The following HAO1 variants were observed in gnomAD, a reference collection of about 807,000 sequenced individuals.
The protein encoded by HAO1 is hydroxyacid oxidase 1, also known as 2-Hydroxyacid oxidase 1.
A neutral mutation model predicts 39.7 loss-of-function variants in HAO1; 34 were observed. The ratio of observed to expected loss-of-function variants is 0.86; its 90% confidence interval spans 0.65 to 1.14. HAO1 has a LOEUF of 1.14. Among genes scored for constraint, HAO1 ranks in the 50% most tolerant of loss-of-function variants. The probability of loss-of-function intolerance (pLI) is 0.00; values close to 1 mark genes in which losing one functional copy is unlikely to be tolerated. For missense variants in HAO1, 479 were observed against 464.5 expected (o/e 1.03, Z -0.29); for synonymous variants, 172 against 173.2 (o/e 0.99, Z 0.05).
intron 2 of HAO1, among the ~76,000 whole-genome samples, chr20:7,921,095 C>T (rs865996373): frequency 8.1e-5 from 12 of 148,620 alleles, no homozygotes; most frequent in Non-Finnish European, 1.5e-4. Context: ...AACTCAATAG[C>T]CAGAAAACAA....
In HAO1 at chr20:7,883,569, C is replaced by G. The variant is rs1476885460; in HGVS notation, c.*24G>C. 2.5e-6 allele frequency: 4 copies of G among 1,577,622 alleles called. No homozygotes were observed. Among genetic ancestry groups the G allele is most frequent in the Admixed American group, 1.7e-5 (1 of 59,930 alleles). On this transcript the variant is annotated 3_prime_UTR_variant, in exon 8 of 8. Transcript: ENST00000378789. ...TAATACATGCTGAAAAAAAATAATA[C>G]AGATGGGAAAATATTGTGCACTGTC...
chr20:7,893,869 C>G (rs1433921222), intron 5 of HAO1, among the ~76,000 whole-genome samples: 1 of 152,170 alleles, frequency 6.6e-6, no homozygotes, highest in Non-Finnish European at 1.5e-5. Context: ...GATAAATTGG[C>G]TCTGTCTATA....
chr20:7,903,861 T>TGGTGGTGGTGGTGGTAGC (rs1257739703), intron 4 of HAO1, among the ~76,000 whole-genome samples: 7 of 69,734 alleles, frequency 1.0e-4, no homozygotes, highest in African/African-American at 7.4e-4. Flanking sequence ...GTGGTAGCGG[T>TGGTGGTGGTGGTGGTAGC]GGTGGTGGTG....
At chr20:7,887,291 C>T (rs1427317168) in intron 5 of HAO1, among the ~76,000 whole-genome samples, 1 of 152,096 alleles carries the variant, frequency 6.6e-6, no homozygotes, top group African/African-American at 2.4e-5. Flanking sequence ...AAAATGTATG[C>T]TGAGGAAGCT....
intron 3 of HAO1, among the ~76,000 whole-genome samples, chr20:7,911,566 C>T (rs2050279604): frequency 6.6e-6 from 1 of 152,094 alleles, no homozygotes; most frequent in Admixed American, 6.5e-5. Context: ...CTCCTTACTC[C>T]CTCTCAGTTT....
At chr20:7,939,205 T>C (rs1350364360) in intron 1 of HAO1, among the ~76,000 whole-genome samples, 3 of 152,136 alleles carry the variant, frequency 2.0e-5, no homozygotes, top group African/African-American at 7.2e-5. Flanking sequence ...TTTGTTGAGC[T>C]CATTTGGGTT....
intron 5 of HAO1, among the ~76,000 whole-genome samples, chr20:7,890,764 C>T (rs2122751594): frequency 6.6e-6 from 1 of 152,268 alleles, no homozygotes; most frequent in South Asian, 2.1e-4. Flanking sequence ...AACCTCATAG[C>T]TTAGCTCCCA....
chr20:7,897,492 C>A (rs2050203082), intron 4 of HAO1, among the ~76,000 whole-genome samples: 1 of 151,838 alleles, frequency 6.6e-6, no homozygotes, highest in African/African-American at 2.4e-5. Context: ...TGTTGTTTTA[C>A]CCTTTGGGAA....
chr20:7,919,246 C>T (rs2050320439), intron 2 of HAO1, among the ~76,000 whole-genome samples: 1 of 152,098 alleles, frequency 6.6e-6, no homozygotes, highest in South Asian at 2.1e-4. Flanking sequence ...GTATGAAATC[C>T]CAGGACTCTC....
intron 2 of HAO1, among the ~76,000 whole-genome samples, chr20:7,932,642 A>G (rs2050390899): frequency 6.6e-6 from 1 of 152,214 alleles, no homozygotes; most frequent in Admixed American, 6.5e-5. Context: ...ATTTTAAATT[A>G]AAATATCATT....
chr20:7,932,990 C>T (rs116436955), intron 2 of HAO1, among the ~76,000 whole-genome samples: 1,522 of 152,188 alleles, frequency 0.01, 25 homozygotes, highest in African/African-American at 0.033. Context: ...TCTCCCTAAC[C>T]TAATCATACT....
At chr20:7,924,549 G>A (rs1056928824) in intron 2 of HAO1, among the ~76,000 whole-genome samples, 4 of 152,006 alleles carry the variant, frequency 2.6e-5, no homozygotes, top group East Asian at 1.9e-4. Flanking sequence ...CAAAACAATA[G>A]AGGGAAATAG....
At chr20:7,926,153 C>T (rs1344032909) in intron 2 of HAO1, among the ~76,000 whole-genome samples, 2 of 152,086 alleles carry the variant, frequency 1.3e-5, no homozygotes, top group Non-Finnish European at 2.9e-5. Context: ...TTTGGTTACA[C>T]TTTAGAGTGA....
At chr20:7,901,274 A>G (rs1382621816) in intron 4 of HAO1, among the ~76,000 whole-genome samples, 1 of 152,162 alleles carries the variant, frequency 6.6e-6, no homozygotes, top group Non-Finnish European at 1.5e-5. Flanking sequence ...TGAACAACAT[A>G]TTTTCAATGT....
At chr20:7,889,764 G>T (rs145978379) in intron 5 of HAO1, among the ~76,000 whole-genome samples, 172 of 152,284 alleles carry the variant, frequency 1.1e-3, no homozygotes, top group Non-Finnish European at 2.1e-3. Flanking sequence ...CAACCTAATA[G>T]AAGTGTATAA....
At chr20:7,898,466 C>A (rs1483155240) in intron 4 of HAO1, among the ~76,000 whole-genome samples, 1 of 152,126 alleles carries the variant, frequency 6.6e-6, no homozygotes, top group Non-Finnish European at 1.5e-5. Context: ...ACTTTAATTT[C>A]AGTGGAGTCT....
intron 3 of HAO1, among the ~76,000 whole-genome samples, chr20:7,907,930 A>T (rs1037604633): frequency 1.3e-5 from 2 of 152,076 alleles, no homozygotes; most frequent in East Asian, 3.9e-4. Flanking sequence ...CAGTGACTGG[A>T]CTCACCTTGC....
intron 4 of HAO1, among the ~76,000 whole-genome samples, chr20:7,905,514 T>C (rs2050243553): frequency 1.3e-5 from 2 of 152,202 alleles, no homozygotes; most frequent in South Asian, 2.1e-4. Flanking sequence ...TTTTCTTGCC[T>C]TTGTGGGTAA....
At chr20:7,891,804 A>G (rs1400616679) in intron 5 of HAO1, among the ~76,000 whole-genome samples, 1 of 152,188 alleles carries the variant, frequency 6.6e-6, no homozygotes, top group Non-Finnish European at 1.5e-5. Context: ...TTCCCTTAAA[A>G]TCTAGTTAGA....
Sources: allele counts gnomAD v4.1 joint callset (sites outside exome capture counted in the v4.1 genomes callset), GRCh38; gene constraint gnomAD v4.1.1; transcripts MANE v1.5; gene names NCBI Gene and HGNC (gene_info 2026-07-23, HGNC 2026-07-21).